Variants in FARSB observed in about 807,000 individuals in gnomAD.
The protein encoded by FARSB is phenylalanyl-tRNA synthetase subunit beta, also known as phenylalanine--tRNA ligase beta subunit.
Under a neutral mutation model 69.6 loss-of-function variants are expected in FARSB, and 40 were observed. The ratio of observed to expected loss-of-function variants is 0.57; its 90% CI spans 0.45 to 0.75. The LOEUF is 0.75. Ranked by LOEUF, FARSB falls within the 30% of genes least tolerant of loss-of-function variation. The pLI is 0.00. For missense variants in FARSB, 632 were observed against 722.9 expected, an observed-to-expected ratio of 0.87 and a Z score of 1.44; for synonymous variants, 235 against 247.2, an observed-to-expected ratio of 0.95 and a Z score of 0.46.
At chr2:222,584,700 G>T (rs1274734907) in intron 16 of FARSB, among the ~76,000 whole-genome samples, 1 of 152,212 alleles carries the variant, frequency 6.6e-6, no homozygotes, top group Admixed American at 6.5e-5. Flanking sequence ...TATATCCCAT[G>T]CCTGGCTCAG....
At chr2:222,613,721 A>AT in intron 15 of FARSB, 90 bp downstream of exon 15, 1 of 806,530 alleles carries the variant, frequency 1.2e-6, no homozygotes, top group East Asian at 2.5e-5. Context: ...TAATTATACT[A>AT]TTTTTTCTGC....
intron 16 of FARSB, among the ~76,000 whole-genome samples, chr2:222,590,691 G>A (rs904391004): frequency 3.3e-5 from 5 of 152,088 alleles, no homozygotes; most frequent in Non-Finnish European, 5.9e-5. Flanking sequence ...GTATTGTAGA[G>A]ATGCATCTTG....
chr2:222,637,629 G>A (rs1263033052), intron 5 of FARSB, among the ~76,000 whole-genome samples: 1 of 152,152 alleles, frequency 6.6e-6, no homozygotes, highest in African/African-American at 2.4e-5. Context: ...GCCTAAAAAA[G>A]AGGCTTAATC....
At chr2:222,621,011 TG>T (rs1360089972) in intron 13 of FARSB, among the ~76,000 whole-genome samples, 1 of 152,234 alleles carries the variant, frequency 6.6e-6, no homozygotes, top group Non-Finnish European at 1.5e-5. Context: ...ACATGCACAC[TG>T]GGGATAAGCG....
chr2:222,605,754 C>CA (rs36102122), intron 15 of FARSB, among the ~76,000 whole-genome samples: 132,261 of 151,918 alleles, frequency 0.87, 57,742 homozygotes, highest in East Asian at 0.97. Flanking sequence ...TCCATCTCTA[C>CA]AATAAATTAT....
At chr2:222,627,421 C>G (rs143661274) in intron 10 of FARSB, among the ~76,000 whole-genome samples, 1 of 152,166 alleles carries the variant, frequency 6.6e-6, no homozygotes. Flanking sequence ...AAGAAGCAGA[C>G]GTGAGTGAGG....
At chr2:222,632,968 C>T (rs1165803396) in intron 7 of FARSB, among the ~76,000 whole-genome samples, 2 of 151,972 alleles carry the variant, frequency 1.3e-5, no homozygotes, top group East Asian at 3.9e-4. Flanking sequence ...AACCCAAAAC[C>T]TAGCATCAGA....
intron 16 of FARSB, among the ~76,000 whole-genome samples, chr2:222,595,130 AT>A (rs1461796099): frequency 6.6e-6 from 1 of 152,150 alleles, no homozygotes; most frequent in Admixed American, 6.6e-5. Flanking sequence ...AAAACTTCCA[AT>A]TTTTTTCAAC....
chr2:222,595,767 G>A (rs1255101230), intron 16 of FARSB, among the ~76,000 whole-genome samples: 2 of 152,128 alleles, frequency 1.3e-5, no homozygotes, highest in Middle Eastern at 3.4e-3. Context: ...TGATCTGCCC[G>A]GCAACCACAT....
At chr2:222,629,746 A>G (rs1025122025) in intron 9 of FARSB, among the ~76,000 whole-genome samples, 2 of 152,048 alleles carry the variant, frequency 1.3e-5, no homozygotes, top group Admixed American at 1.3e-4. Context: ...TTGTTTATTC[A>G]TTCATTTTTT....
intron 3 of FARSB, 49 bp from the exon 4 acceptor site, chr2:222,640,980 A>G: frequency 4.3e-6 from 4 of 940,036 alleles, no homozygotes; most frequent in Non-Finnish European, 6.5e-6. Flanking sequence ...AAGACATTAT[A>G]TAAAATAATT....
rs552932808 is a variant in FARSB at position 222,603,680 on chromosome 2, T to A, written c.1463-3597A>T. On this transcript the variant is annotated intron_variant, in intron 15 of 16. Coordinates refer to ENST00000281828, the MANE Select transcript of FARSB (RefSeq NM_005687.5). ...ATTATTATTAATATAATTAATATTA[T>A]ATTATATATTATTATATATATTAGA... 2.7e-3 allele frequency among the ~76,000 whole-genome samples: 204 copies of A among 75,964 alleles called. 1 individual carries two copies. Among genetic ancestry groups the A allele is most frequent in the Admixed American group, 0.023 (176 of 7,744 alleles). 49.8% of individuals were successfully genotyped at this position (75,964 alleles called of 152,430 possible).
At chr2:222,582,740 A>G (rs1690004090) in intron 16 of FARSB, among the ~76,000 whole-genome samples, 1 of 152,112 alleles carries the variant, frequency 6.6e-6, no homozygotes, top group Non-Finnish European at 1.5e-5. Context: ...CCTGGCCAAC[A>G]TGACGAAACC....
chr2:222,610,783 A>G (rs1690828186), intron 15 of FARSB, among the ~76,000 whole-genome samples: 1 of 152,248 alleles, frequency 6.6e-6, no homozygotes, highest in East Asian at 1.9e-4. Context: ...TCCTTATAAC[A>G]TATCAATGAA....
intron 16 of FARSB, among the ~76,000 whole-genome samples, chr2:222,595,937 T>C (rs949452897): frequency 2.6e-5 from 4 of 151,928 alleles, no homozygotes; most frequent in African/African-American, 9.7e-5. Context: ...TATATATATA[T>C]GCCATAATAA....
intron 14 of FARSB, among the ~76,000 whole-genome samples, chr2:222,619,290 G>T (rs1313754227): frequency 6.7e-6 from 1 of 148,564 alleles, no homozygotes; most frequent in Non-Finnish European, 1.5e-5. Flanking sequence ...TGAGCAACAG[G>T]GCAAGACTCT....
intron 12 of FARSB, 79 bp from the exon 13 acceptor site, chr2:222,623,809 A>G (rs1691201960): frequency 1.1e-6 from 1 of 872,062 alleles, no homozygotes; most frequent in Non-Finnish European, 1.9e-6. Context: ...AGAACATGCC[A>G]TTAAAACTTT....
chr2:222,589,841 C>T (rs1166132319), intron 16 of FARSB, among the ~76,000 whole-genome samples: 3 of 152,112 alleles, frequency 2.0e-5, no homozygotes, highest in Admixed American at 6.5e-5. Context: ...GTTAGAATGG[C>T]AATCATTAAA....
chr2:222,631,238 T>C (rs1020017204), intron 8 of FARSB, among the ~76,000 whole-genome samples: 2 of 152,032 alleles, frequency 1.3e-5, no homozygotes, highest in Admixed American at 1.3e-4. Flanking sequence ...ACTCCGCATA[T>C]AAATTAAGTC....
Sources: gnomAD v4.1 joint callset for allele counts (sites outside exome capture counted in the v4.1 genomes callset) on GRCh38, gnomAD v4.1.1 for gene constraint, MANE v1.5 for transcripts, NCBI Gene and HGNC (gene_info 2026-07-23, HGNC 2026-07-21) for gene names.